Variants in KTN1 observed in about 807,000 individuals in gnomAD.
KTN1 encodes kinectin.
A neutral mutation model predicts 222.5 loss-of-function variants in KTN1; 130 were observed. The ratio of observed to expected loss-of-function variants is 0.58; its 90% CI spans 0.51 to 0.68. The LOEUF is 0.68. Among genes scored for constraint, KTN1 ranks in the 30% least tolerant of loss-of-function variants. The pLI, the probability that KTN1 is intolerant of heterozygous loss-of-function variation, is 0.00. For missense variants in KTN1, 1,508 were observed against 1,500.4 expected (o/e 1.01, Z -0.08); for synonymous variants, 512 against 496.3 (o/e 1.03, Z -0.42).
chr14:55,624,123 G>A (rs1300642251), intron 5 of KTN1, among the ~76,000 whole-genome samples: 1 of 152,102 alleles, frequency 6.6e-6, no homozygotes, highest in Non-Finnish European at 1.5e-5. Context: ...GTTTCTCATG[G>A]GGCGGTTCTG....
intron 43 of KTN1, chr14:55,679,950 TTGTG>T: frequency 2.4e-6 from 1 of 410,224 alleles, no homozygotes; most frequent in Non-Finnish European, 4.3e-6. Context: ...GCCTGGGTTT[TTGTG>T]TGTTGCCTTA....
rs371636907 is a variant in KTN1, at chr14:55,670,841, A to C, written c.3348+32A>C. On this transcript the variant is annotated intron_variant, in intron 35 of 43. Transcript: ENST00000395314. ...TCAGCAAATGAACTGTTTGTAATTT[A>C]AACATAGAAAAAAGAAGCAAATAAG... The C allele has an allele frequency of 3.3e-5, 46 of 1,406,934 alleles. No individual in the cohort carries two copies. In the African/African-American group the frequency reaches 5.9e-4, roughly 18 times the overall value. 87.2% of individuals were successfully genotyped at this position (1,406,934 alleles called of 1,614,324 possible). A position where few individuals can be genotyped will look rare whatever the true frequency, so the allele number is the denominator to read the frequency against.
At chr14:55,639,777 A>G in intron 13 of KTN1, 136 bp from the exon 14 acceptor site, 1 of 604,196 alleles carries the variant, frequency 1.7e-6, no homozygotes, top group Non-Finnish European at 3.0e-6. Context: ...AGTTGTTAGT[A>G]AACTGAAAGG....
At chr14:55,598,311 T>C (rs1382932401) in intron 1 of KTN1, among the ~76,000 whole-genome samples, 1 of 151,704 alleles carries the variant, frequency 6.6e-6, no homozygotes, top group African/African-American at 2.4e-5. Context: ...GGCGGGCGCC[T>C]GTAGTCCCAG....
chr14:55,674,761 T>C (rs1253656793), intron 40 of KTN1: 1 of 152,172 alleles, frequency 6.6e-6, no homozygotes, highest in Non-Finnish European at 1.5e-5. Flanking sequence ...GGAGATCATT[T>C]TTAGTGGTTG....
chr14:55,586,511 C>T (rs1236934014), intron 1 of KTN1, among the ~76,000 whole-genome samples: 1 of 152,136 alleles, frequency 6.6e-6, no homozygotes, highest in African/African-American at 2.4e-5. Context: ...TGTTCAAAGA[C>T]ACAAATATCT....
rs1049323138 is a variant in KTN1 at position 55,649,711 on chromosome 14, A to G, written c.2368-65A>G. 35 of 925,646 alleles carry G rather than the reference A, an allele frequency of 3.8e-5. 1 individual carries two copies. The highest frequency in any genetic ancestry group is 5.6e-5 in the Non-Finnish European group (33 of 587,724). The allele number at this position is 925,646 out of a possible 1,614,324, so 57.3% of individuals were successfully genotyped here. A position where few individuals can be genotyped will look rare whatever the true frequency, so the allele number is the denominator to read the frequency against. On this transcript the variant is annotated intron_variant, in intron 21 of 43. Coordinates refer to ENST00000395314, the MANE Select transcript of KTN1 (RefSeq NM_001079521.2). ...ATTGGAAAATCTAAGGATAATGTGCATTTCTATTTCTGACCCATTTCTATT... is the reference window on the plus strand; with the variant it reads ...ATTGGAAAATCTAAGGATAATGTGCGTTTCTATTTCTGACCCATTTCTATT...
intron 43 of KTN1, chr14:55,681,049 C>A (rs940530279): frequency 4.9e-6 from 1 of 202,978 alleles, no homozygotes; most frequent in African/African-American, 2.3e-5. Flanking sequence ...CAGGTTACCA[C>A]CCTTATTTTT....
chr14:55,623,685 A>G (rs575275771), intron 5 of KTN1, among the ~76,000 whole-genome samples: 11 of 152,228 alleles, frequency 7.2e-5, no homozygotes, highest in Non-Finnish European at 1.5e-4. Context: ...TATTGATTAA[A>G]GAATTTGTCC....
chr14:55,593,436 ACCCCCCCCCC>A (rs2034481699), intron 1 of KTN1, among the ~76,000 whole-genome samples: 1 of 89,540 alleles, frequency 1.1e-5, no homozygotes. Context: ...AGAAATAGAC[ACCCCCCCCCC>A]AAAAAAAAAA....
chr14:55,600,704 T>C (rs1306873096), intron 1 of KTN1, among the ~76,000 whole-genome samples: 1 of 152,048 alleles, frequency 6.6e-6, no homozygotes, highest in Non-Finnish European at 1.5e-5. Context: ...GTGTAGCTGT[T>C]TTACGGTATG....
chr14:55,663,731 G>A (rs745761485), intron 32 of KTN1: 4 of 422,298 alleles, frequency 9.5e-6, no homozygotes, highest in South Asian at 3.8e-5. Context: ...TTAAAAGCTG[G>A]CCTATTTGAT....
intron 43 of KTN1, chr14:55,681,603 A>G (rs1170758792): frequency 6.6e-6 from 1 of 152,186 alleles, no homozygotes; most frequent in Non-Finnish European, 1.5e-5. Flanking sequence ...GTATACCCTC[A>G]CAACGCAGTT....
intron 5 of KTN1, among the ~76,000 whole-genome samples, chr14:55,624,368 G>C (rs902438055): frequency 1.3e-5 from 2 of 152,176 alleles, no homozygotes; most frequent in African/African-American, 4.8e-5. Context: ...TGTATGTAGT[G>C]GCTAAAGAAG....
chr14:55,609,128 C>T (rs2037175450), intron 1 of KTN1, among the ~76,000 whole-genome samples: 1 of 151,918 alleles, frequency 6.6e-6, no homozygotes, highest in Non-Finnish European at 1.5e-5. Context: ...ACCTACTGAC[C>T]CATCCTGTAC....
chr14:55,654,697 G>A (rs935454074), intron 28 of KTN1, among the ~76,000 whole-genome samples: 2 of 152,154 alleles, frequency 1.3e-5, no homozygotes, highest in African/African-American at 2.4e-5. Context: ...GCCAATAGCA[G>A]TACATTGTTA....
At position 55,650,596 on chromosome 14, in the gene KTN1, A is replaced by G; in HGVS notation, c.2524A>G (p.Lys842Glu). ...TTTGAAACAGGAAATAAAGGCTCTA[A>G]AAGAAGAAATAGGAAATGTCCAGCT... ...QDLKQEIKAL[K>E]EEIGNVQLEK... is the part of the protein sequence containing the mutation. Residue 842 changes from lysine to glutamate, a missense_variant, in exon 24 of 44, where the codon AAA becomes GAA. Lys to Glu is a moderately conservative substitution (Grantham distance 56, BLOSUM62 1). Transcript: ENST00000395314. 1.9e-6 allele frequency: 3 copies of G among 1,612,792 alleles called. No individual in the cohort carries two copies. The highest frequency in any genetic ancestry group is 2.2e-5 in the South Asian group (2 of 91,018).
At chr14:55,652,645 C>T (rs1368388043) in intron 25 of KTN1, among the ~76,000 whole-genome samples, 3 of 152,148 alleles carry the variant, frequency 2.0e-5, no homozygotes, top group African/African-American at 4.8e-5. Context: ...GTGATCCGCC[C>T]GCCTTGGCCT....
At position 55,650,363 on chromosome 14, in the gene KTN1, A is replaced by T; in HGVS notation, c.2441A>T (p.Glu814Val). 1.2e-6 allele frequency: 2 copies of T among 1,611,062 alleles called. No homozygotes were observed. Among genetic ancestry groups the T allele is most frequent in the Non-Finnish European group, 1.7e-6 (2 of 1,178,856 alleles). The change falls in exon 23 of 44, where the codon GAA (glutamate) becomes GTA (valine). Residue 814 changes from glutamate (E) to valine (V), a missense_variant. Physicochemically the swap from Glu to Val is moderately radical, Grantham distance 121 (BLOSUM62 -2). Transcript: ENST00000395314. ...AAAGATGGAAAGATCAAGTCTGTAG[A>T]AGAGCTTCTGGAGGCAGAACTTCTC... is the stretch of plus-strand genomic sequence containing the variant. ...HEKDGKIKSVEELLEAELLKV... is the reference protein window; with the variant it reads ...HEKDGKIKSVVELLEAELLKV...
Sources: gnomAD v4.1 joint callset for allele counts (sites outside exome capture counted in the v4.1 genomes callset) on GRCh38, gnomAD v4.1.1 for gene constraint, MANE v1.5 for transcripts, NCBI Gene and HGNC (gene_info 2026-07-23, HGNC 2026-07-21) for gene names.